Variants in HGD observed in about 807,000 individuals in gnomAD.
HGD encodes homogentisate oxidase.
In HGD, 61 loss-of-function variants were observed where a neutral mutation model predicts 60.8. The ratio of observed to expected loss-of-function variants is 1.00; its 90% CI spans 0.82 to 1.24. The LOEUF (loss-of-function observed/expected upper bound fraction) is 1.24, where lower values mean the gene tolerates loss of function less well. Among genes scored for constraint, HGD ranks in the 50% most tolerant of loss-of-function variants. The pLI is 0.00. For missense variants in HGD, 542 were observed against 547.1 expected, an observed-to-expected ratio of 0.99 and a Z score of 0.09; for synonymous variants, 212 against 187.7, an observed-to-expected ratio of 1.13 and a Z score of -1.06.
intron 10 of HGD, among the ~76,000 whole-genome samples, chr3:120,643,281 A>C (rs1428739530): frequency 6.6e-6 from 1 of 152,122 alleles, no homozygotes; most frequent in Admixed American, 6.6e-5. Flanking sequence ...GCACCACCAC[A>C]TCTGGCTAAT....
At chr3:120,656,783 C>T (rs1297190637) in intron 4 of HGD, among the ~76,000 whole-genome samples, 1 of 152,146 alleles carries the variant, frequency 6.6e-6, no homozygotes, top group Admixed American at 6.5e-5. Context: ...AACTTCTGAC[C>T]TCAGGTGATC....
At chr3:120,667,149 A>G (rs1707916061) in intron 4 of HGD, among the ~76,000 whole-genome samples, 1 of 151,260 alleles carries the variant, frequency 6.6e-6, no homozygotes, top group African/African-American at 2.4e-5. Context: ...ATATGGTAAA[A>G]CCCTTTCTCT....
At chr3:120,659,947 G>GGT (rs1559794821) in intron 4 of HGD, among the ~76,000 whole-genome samples, 15 of 151,406 alleles carry the variant, frequency 9.9e-5, no homozygotes, top group Non-Finnish European at 2.9e-5. Flanking sequence ...AGAGAGTGGG[G>GGT]GGTGGTTGCA....
At chr3:120,642,391 G>A (rs1052360044) in intron 10 of HGD, among the ~76,000 whole-genome samples, 2 of 152,164 alleles carry the variant, frequency 1.3e-5, no homozygotes, top group Non-Finnish European at 2.9e-5. Flanking sequence ...TAGCAATAGC[G>A]GGAAGACACT....
At chr3:120,668,564 G>T (rs1260104859) in intron 4 of HGD, among the ~76,000 whole-genome samples, 1 of 151,824 alleles carries the variant, frequency 6.6e-6, no homozygotes, top group African/African-American at 2.4e-5. Context: ...GGGAAAGAGG[G>T]CAGAAGAAGC....
At chr3:120,645,835 T>C (rs1475211306) in intron 9 of HGD, among the ~76,000 whole-genome samples, 1 of 152,210 alleles carries the variant, frequency 6.6e-6, no homozygotes, top group Non-Finnish European at 1.5e-5. Flanking sequence ...TTCCTCCTAA[T>C]CACAAAGCTT....
chr3:120,631,063 C>T (rs1940579107), intron 13 of HGD, among the ~76,000 whole-genome samples: 1 of 151,724 alleles, frequency 6.6e-6, no homozygotes, highest in South Asian at 2.1e-4. Context: ...GAGCAACAGA[C>T]ACTGATGCCT....
chr3:120,676,874 T>C (rs1559803263), intron 1 of HGD, among the ~76,000 whole-genome samples: 1 of 152,190 alleles, frequency 6.6e-6, no homozygotes. Context: ...GCGGGAAGTC[T>C]GGGACTCCAA....
chr3:120,681,211 G>A (rs1708224263), intron 1 of HGD, among the ~76,000 whole-genome samples: 1 of 152,252 alleles, frequency 6.6e-6, no homozygotes, highest in Admixed American at 6.5e-5. Flanking sequence ...CAGGGAAGAT[G>A]TCTGTTGTGG....
chr3:120,643,417 C>T (rs995794618), intron 10 of HGD, among the ~76,000 whole-genome samples: 2 of 152,188 alleles, frequency 1.3e-5, no homozygotes, highest in African/African-American at 2.4e-5. Context: ...AGCCACCATG[C>T]CCAGCCTAGG....
chr3:120,646,229 T>C (rs757347455), intron 9 of HGD, 38 bp downstream of exon 9: 5 of 1,236,720 alleles, frequency 4.0e-6, no homozygotes, highest in East Asian at 4.6e-5. Flanking sequence ...GAGTCCTACA[T>C]CTCAAGCGAG....
In HGD at chr3:120,652,596, A is replaced by G; in HGVS notation, c.338T>C (p.Val113Ala). Residue 113 changes from valine (V) to alanine (A), a missense_variant, in exon 5 of 14, where the codon GTG becomes GCG. Around this residue, in one of 2 missense-constraint regions of HGD, gnomAD observed 537 missense variants for 529.1 expected, o/e 1.01. Transcript: ENST00000283871. ...PKASQKKVDF[V>A]SGLHTLCGAG... ...GTGTGGATGGGACTGACTTACACTCACAAAGTCTACTTTCTTCTGAGATGC... is the reference window on the plus strand; with the variant it reads ...GTGTGGATGGGACTGACTTACACTCGCAAAGTCTACTTTCTTCTGAGATGC... The G allele has an allele frequency of 6.2e-7, 1 of 1,612,268 alleles. No individual in the cohort carries two copies. Among genetic ancestry groups the G allele is most frequent in the Admixed American group, 1.7e-5 (1 of 60,010 alleles).
intron 3 of HGD, chr3:120,674,566 A>AAAACAAAACAAAAC (rs1553721518): frequency 3.3e-6 from 1 of 299,852 alleles, no homozygotes; most frequent in Non-Finnish European, 6.6e-6. Context: ...AAAACAAAAC[A>AAAACAAAACAAAAC]GGTAAACCCC....
At chr3:120,680,953 G>A (rs1172287624) in intron 1 of HGD, among the ~76,000 whole-genome samples, 1 of 152,146 alleles carries the variant, frequency 6.6e-6, no homozygotes, top group Non-Finnish European at 1.5e-5. Flanking sequence ...GTTCATCTAC[G>A]ATATTAATCT....
chr3:120,650,737 A>G (rs1941311447), intron 6 of HGD, 37 bp downstream of exon 6: 1 of 1,487,178 alleles, frequency 6.7e-7, no homozygotes, highest in African/African-American at 1.4e-5. Flanking sequence ...ATCCCTTAGA[A>G]GATGGGCATG....
At chr3:120,675,994 T>C in intron 1 of HGD, 131 bp from the exon 2 acceptor site, 2 of 745,944 alleles carry the variant, frequency 2.7e-6, no homozygotes, top group Non-Finnish European at 4.9e-6. Flanking sequence ...ATATAATATC[T>C]TTACTGTGTC....
chr3:120,631,359 T>C (rs1156667585), intron 13 of HGD, among the ~76,000 whole-genome samples: 1 of 152,138 alleles, frequency 6.6e-6, no homozygotes, highest in Non-Finnish European at 1.5e-5. Context: ...AGAATATAAT[T>C]GGATTGTTTG....
intron 5 of HGD, 91 bp from the exon 6 acceptor site, chr3:120,650,956 T>C: frequency 1.0e-6 from 1 of 964,380 alleles, no homozygotes. Context: ...ATGAGGCACA[T>C]TTCTACTAGG....
Position 120,628,321 on chromosome 3 carries a change from T to G in HGD, c.*59A>C. On this transcript the variant is annotated 3_prime_UTR_variant, in exon 14 of 14. Transcript: ENST00000283871. Reference sequence around the variant, plus strand: ...CCTCCTCCAATACTACCAGAAAGCATGAGATTCTGAAGAAATCTTCACAAA... The same window carrying G: ...CCTCCTCCAATACTACCAGAAAGCAGGAGATTCTGAAGAAATCTTCACAAA... 176 of 1,564,246 alleles carry G rather than the reference T, an allele frequency of 1.1e-4. No homozygotes were observed. The highest frequency in any genetic ancestry group is 1.4e-4 in the Non-Finnish European group (155 of 1,135,508).
Sources: gnomAD v4.1 joint callset for allele counts (sites outside exome capture counted in the v4.1 genomes callset) on GRCh38, gnomAD v4.1.1 for gene constraint, gnomAD v4.1.1 regional missense constraint, MANE v1.5 for transcripts, NCBI Gene and HGNC (gene_info 2026-07-23, HGNC 2026-07-21) for gene names.